NTRK3: variants seen among roughly 807,000 people sequenced by gnomAD.
NTRK3 encodes the protein neurotrophic receptor tyrosine kinase 3.
NTRK3 carries 24 observed loss-of-function variants against 91.7 expected under a neutral mutation model. That is an observed-to-expected ratio of 0.26 (90% confidence interval 0.19 to 0.37). NTRK3 has a LOEUF of 0.37. NTRK3 is among the 10% of genes least tolerant of loss of function. The pLI is 1.00. For synonymous variants in NTRK3, 483 were observed against 404.0 expected, an observed-to-expected ratio of 1.20 and a Z score of -2.34; for missense variants, 880 against 1,068.9, an observed-to-expected ratio of 0.82 and a Z score of 2.46.
At chr15:87,960,014 C>T (rs1278793175) in intron 14 of NTRK3, among the ~76,000 whole-genome samples, 1 of 152,166 alleles carries the variant, frequency 6.6e-6, no homozygotes, top group African/African-American at 2.4e-5. Flanking sequence ...GGAGCAGACC[C>T]CAAATTTAGC....
intron 17 of NTRK3, among the ~76,000 whole-genome samples, chr15:87,888,238 G>T (rs1349726365): frequency 6.6e-6 from 1 of 152,132 alleles, no homozygotes; most frequent in Non-Finnish European, 1.5e-5. Flanking sequence ...TGCAATCCTG[G>T]TTGCATTATT....
intron 13 of NTRK3, among the ~76,000 whole-genome samples, chr15:88,080,801 A>G (rs1033563945): frequency 5.9e-5 from 9 of 152,258 alleles, no homozygotes; most frequent in South Asian, 2.1e-4. Flanking sequence ...AGGCAGGGGA[A>G]GCAAGCATGG....
At chr15:88,044,254 C>CTTTTTTTTTTTTT (rs1181028004) in intron 13 of NTRK3, among the ~76,000 whole-genome samples, 1 of 78,486 alleles carries the variant, frequency 1.3e-5, no homozygotes, top group African/African-American at 5.2e-5. Flanking sequence ...AGTCTATGTT[C>CTTTTTTTTTTTTT]TTTTTTTTTT....
chr15:88,129,038 C>T (rs1299512248), intron 10 of NTRK3, among the ~76,000 whole-genome samples: 1 of 152,206 alleles, frequency 6.6e-6, no homozygotes, highest in Non-Finnish European at 1.5e-5. Flanking sequence ...AAACTAGACC[C>T]TCTGTCTCAT....
intron 13 of NTRK3, among the ~76,000 whole-genome samples, chr15:88,123,352 G>T (rs570291316): frequency 6.6e-6 from 1 of 152,182 alleles, no homozygotes; most frequent in Non-Finnish European, 1.5e-5. Flanking sequence ...TCAAAACTGA[G>T]ACTGGGGTGG....
chr15:88,074,596 C>A (rs2150571719), intron 13 of NTRK3, among the ~76,000 whole-genome samples: 1 of 152,270 alleles, frequency 6.6e-6, no homozygotes, highest in African/African-American at 2.4e-5. Flanking sequence ...GAGCAACAAA[C>A]ACCCTTTGGC....
chr15:88,215,228 C>G (rs1006148361), intron 3 of NTRK3, among the ~76,000 whole-genome samples: 9 of 152,206 alleles, frequency 5.9e-5, no homozygotes. Flanking sequence ...GGTTTGTTCA[C>G]GGCTTCCTTG....
rs1375190688 is a variant in NTRK3 at position 87,863,982 on chromosome 15, C to CACACACACAT, written c.*12952_*12953insATGTGTGTGT. ...CCCCCCACCAGGCAAAATACACACA[C>CACACACACAT]ACACACACACATACACACACACACA... is the stretch of plus-strand genomic sequence containing the variant. On this transcript the variant is annotated 3_prime_UTR_variant, in exon 19 of 19. Coordinates refer to ENST00000394480, the Ensembl canonical transcript of NTRK3. 1,005 of 204,174 alleles carry CACACACACAT rather than the reference C, an allele frequency of 4.9e-3. 6 individuals are homozygous for CACACACACAT. The highest frequency in any genetic ancestry group is 0.023 in the African/African-American group (914 of 38,984). 12.6% of individuals were successfully genotyped at this position (204,174 alleles called of 1,614,324 possible).
chr15:88,024,080 G>A (rs1325045721), intron 14 of NTRK3, among the ~76,000 whole-genome samples: 1 of 152,200 alleles, frequency 6.6e-6, no homozygotes, highest in Non-Finnish European at 1.5e-5. Flanking sequence ...TATGCACACA[G>A]GCTCTGTGCT....
At chr15:88,028,189 T>C in intron 14 of NTRK3, among the ~76,000 whole-genome samples, 1 of 151,846 alleles carries the variant, frequency 6.6e-6, no homozygotes, top group Non-Finnish European at 1.5e-5. Flanking sequence ...GGGCACAAGG[T>C]GCTCTCAGTG....
At chr15:87,945,460 C>T (rs2070367336) in intron 14 of NTRK3, among the ~76,000 whole-genome samples, 1 of 152,200 alleles carries the variant, frequency 6.6e-6, no homozygotes, top group Non-Finnish European at 1.5e-5. Flanking sequence ...CAGCCTGCAG[C>T]AAGCGTGACC....
chr15:87,981,346 T>C (rs2074251154), intron 14 of NTRK3: 22 of 1,613,026 alleles, frequency 1.4e-5, no homozygotes, highest in Non-Finnish European at 1.8e-5. Flanking sequence ...TGATTGTCTA[T>C]GTTTGAAAAG....
intron 6 of NTRK3, among the ~76,000 whole-genome samples, chr15:88,141,355 C>A (rs1358190589): frequency 3.3e-5 from 5 of 152,174 alleles, no homozygotes; most frequent in African/African-American, 1.2e-4. Context: ...CTTCACGTAA[C>A]CCTCATGACA....
At chr15:87,895,882 A>T (rs747513065) in intron 17 of NTRK3, among the ~76,000 whole-genome samples, 9 of 151,642 alleles carry the variant, frequency 5.9e-5, no homozygotes, top group Admixed American at 2.0e-4. Flanking sequence ...TAACCTGAAC[A>T]TTCCTTCCCA....
chr15:88,089,059 C>G (rs757087227), intron 13 of NTRK3, among the ~76,000 whole-genome samples: 6 of 151,384 alleles, frequency 4.0e-5, no homozygotes, highest in Non-Finnish European at 8.8e-5. Context: ...TCATCTTCAT[C>G]AAGGCCACCA....
rs1045886768 is a variant in NTRK3, at chr15:87,985,038, A to C, written c.1586-44285T>G. Among the ~76,000 whole-genome samples, 6 of 152,210 alleles carry C rather than the reference A, an allele frequency of 3.9e-5. 1 individual carries two copies. The highest frequency in any genetic ancestry group is 3.9e-4 in the Admixed American group (6 of 15,284). On this transcript the variant is annotated intron_variant, in intron 14 of 18. Coordinates refer to ENST00000394480, the Ensembl canonical transcript of NTRK3. ...AATCCCATCTCTGCAAGCCTTGTTGAATGCCCCTAAAATACCAAACTTATG... is the reference window on the plus strand; with the variant it reads ...AATCCCATCTCTGCAAGCCTTGTTGCATGCCCCTAAAATACCAAACTTATG...
At chr15:88,083,429 C>T (rs1384725020) in intron 13 of NTRK3, among the ~76,000 whole-genome samples, 5 of 152,126 alleles carry the variant, frequency 3.3e-5, no homozygotes, top group Non-Finnish European at 2.9e-5. Context: ...TACCATTTGG[C>T]CAGGTTGTTC....
chr15:87,928,454 G>A (rs1258512404), intron 17 of NTRK3: 1 of 152,212 alleles, frequency 6.6e-6, no homozygotes, highest in Non-Finnish European at 1.5e-5. Flanking sequence ...TGGAAAAAAA[G>A]ATTCCCAAAG....
chr15:88,107,015 C>T (rs949619413), intron 13 of NTRK3, among the ~76,000 whole-genome samples: 1 of 151,198 alleles, frequency 6.6e-6, no homozygotes, highest in African/African-American at 2.4e-5. Flanking sequence ...TGCATATGTA[C>T]ATATATACAT....
Sources: gnomAD v4.1 joint callset for allele counts (sites outside exome capture counted in the v4.1 genomes callset) on GRCh38, gnomAD v4.1.1 for gene constraint, MANE v1.5 for transcripts, NCBI Gene and HGNC (gene_info 2026-07-23, HGNC 2026-07-21) for gene names.